The following MCM3AP variants were observed in gnomAD, a reference collection of about 807,000 sequenced individuals.
MCM3AP encodes the protein germinal-center associated nuclear protein.
MCM3AP carries 126 observed loss-of-function variants against 184.1 expected under a neutral mutation model. The ratio of observed to expected loss-of-function variants is 0.68; its 90% CI spans 0.59 to 0.79. The LOEUF (loss-of-function observed/expected upper bound fraction) is 0.79. Among genes scored for constraint, MCM3AP ranks in the 30% least tolerant of loss-of-function variants. The pLI, the probability that MCM3AP is intolerant of heterozygous loss-of-function variation, is 0.00. For synonymous variants in MCM3AP, 1,002 were observed against 979.3 expected (o/e 1.02, Z -0.43); for missense variants, 2,496 against 2,479.2 (o/e 1.01, Z -0.14).
chr21:46,259,297 T>C (rs1470145988), intron 15 of MCM3AP: 1 of 388,550 alleles, frequency 2.6e-6, no homozygotes, highest in Admixed American at 4.6e-5. Flanking sequence ...CTACTAAAAA[T>C]ACAAAAAAAT....
At position 46,261,690 on chromosome 21, in the gene MCM3AP, G is replaced by A. The variant is rs372951356; in HGVS notation, c.3336-279C>T. Among the ~76,000 whole-genome samples, 358 of 147,824 alleles carry A rather than the reference G, an allele frequency of 2.4e-3. 2 individuals are homozygous for A. The highest frequency in any genetic ancestry group is 3.6e-3 in the Non-Finnish European group (244 of 67,550). On this transcript the variant is annotated intron_variant, in intron 13 of 27. Coordinates refer to ENST00000291688, the MANE Select transcript of MCM3AP (RefSeq NM_003906.5). ...GGAGACTGCAGTGAGCCAAGATTGCGTCACTGTACTCCAGCCTGGGCGACA... is the reference window on the plus strand; with the variant it reads ...GGAGACTGCAGTGAGCCAAGATTGCATCACTGTACTCCAGCCTGGGCGACA...
Position 46,256,080 on chromosome 21 carries a change from G to A in MCM3AP, c.3932+709C>T, listed in dbSNP as rs565876080. Among the ~76,000 whole-genome samples, 10 of 152,298 alleles carry A rather than the reference G, an allele frequency of 6.6e-5. No homozygotes were observed. The East Asian group carries it at 9.7e-4, about 15-fold the overall frequency. ...ACAAGACATGACATGAGGCCCCAGC[G>A]GTGTGCCTGCTAGGCCCTCCAGGCT... On this transcript the variant is annotated intron_variant, in intron 17 of 27. Transcript: ENST00000291688.
At chr21:46,266,391 G>C (rs1016156196) in intron 10 of MCM3AP, 12 of 425,008 alleles carry the variant, frequency 2.8e-5, no homozygotes, top group Non-Finnish European at 4.1e-5. Context: ...ACTCACTCCT[G>C]CCTCCTTGCT....
intron 2 of MCM3AP, among the ~76,000 whole-genome samples, chr21:46,283,377 G>T (rs2081357501): frequency 6.6e-6 from 1 of 152,198 alleles, no homozygotes; most frequent in Non-Finnish European, 1.5e-5. Context: ...CCTTTCAGAA[G>T]AATTTCACTT....
At chr21:46,260,032 C>T (rs1465122421) in intron 15 of MCM3AP, among the ~76,000 whole-genome samples, 4 of 151,528 alleles carry the variant, frequency 2.6e-5, no homozygotes, top group South Asian at 2.1e-4. Context: ...ACCCAGATCA[C>T]GCCACTGCAC....
At chr21:46,256,387 A>C in intron 17 of MCM3AP, 1 of 191,428 alleles carries the variant, frequency 5.2e-6, no homozygotes, top group Non-Finnish European at 1.1e-5. Context: ...TGTGAAGGAG[A>C]CGGCGGGAGG....
At chr21:46,238,877 G>A (rs2080597038) in intron 26 of MCM3AP, among the ~76,000 whole-genome samples, 1 of 152,194 alleles carries the variant, frequency 6.6e-6, no homozygotes, top group East Asian at 1.9e-4. Flanking sequence ...CAGAGGCCCT[G>A]CCCTAAGCAA....
chr21:46,273,238 G>A, intron 7 of MCM3AP, 150 bp downstream of exon 7: 2 of 740,812 alleles, frequency 2.7e-6, no homozygotes, highest in Non-Finnish European at 4.5e-6. Flanking sequence ...GCCTCCCAGA[G>A]TGCTGGGATT....
At position 46,267,342 on chromosome 21, in the gene MCM3AP, G is replaced by A. The variant is rs2081126121; in HGVS notation, c.2629-200C>T. ...GCTCAGGGGCAGTGCTCAGGAATGC[G>A]TGCCAAGCAAACACTCTCATAGAGA... On this transcript the variant is annotated intron_variant, in intron 9 of 27. Coordinates refer to ENST00000291688, the MANE Select transcript of MCM3AP (RefSeq NM_003906.5). The A allele has an allele frequency of 1.0e-5, 6 of 573,924 alleles. No homozygotes were observed. In the South Asian group the frequency reaches 1.1e-4, roughly 10 times the overall value. 35.6% of individuals were successfully genotyped at this position (573,924 alleles called of 1,614,324 possible). A position where few individuals can be genotyped will look rare whatever the true frequency, so the allele number is the denominator to read the frequency against.
At chr21:46,254,959 G>A (rs1054790068) in intron 17 of MCM3AP, 115 bp from the exon 18 acceptor site, 8 of 747,856 alleles carry the variant, frequency 1.1e-5, no homozygotes, top group African/African-American at 6.8e-5. Flanking sequence ...CCAATGAAAC[G>A]GGTTAGAGGA....
chr21:46,280,686 C>T lies in MCM3AP; in HGVS notation c.1444-111G>A, dbSNP rs1410516674. ...ACAGACCATTCAAAGGCACCAGGAGCTCCTGTCCTTTGCACGACAGTGATT... is the reference window on the plus strand; with the variant it reads ...ACAGACCATTCAAAGGCACCAGGAGTTCCTGTCCTTTGCACGACAGTGATT... On this transcript the variant is annotated intron_variant, in intron 2 of 27. Transcript: ENST00000291688. The T allele has an allele frequency of 4.2e-6, 3 of 716,144 alleles. No individual in the cohort carries two copies. The Admixed American group carries it at 7.0e-5, about 17-fold the overall frequency. 44.4% of individuals were successfully genotyped at this position (716,144 alleles called of 1,614,324 possible).
At chr21:46,256,537 C>T in intron 17 of MCM3AP, 1 of 541,672 alleles carries the variant, frequency 1.8e-6, no homozygotes, top group Non-Finnish European at 3.3e-6. Context: ...CAGACTCAGG[C>T]ACCAGGACGC....
In MCM3AP at chr21:46,245,202, GAAGA is replaced by G. The variant is rs150712767; in HGVS notation, c.4648-9_4648-6del. 0.35 allele frequency: 564,399 copies of G among 1,589,908 alleles called. 101,755 individuals carry two copies. The highest frequency in any genetic ancestry group is 0.48 in the Admixed American group (26,247 of 54,596). On this transcript the variant is annotated splice_region_variant and splice_polypyrimidine_tract_variant and intron_variant, in intron 22 of 27. Coordinates refer to ENST00000291688, the MANE Select transcript of MCM3AP (RefSeq NM_003906.5). ...CCACTGCACTGCTTGCAAAACCTGAGAAGAAAGAAGAGACTTGGTTGAACAATTC... is the reference window on the plus strand; with the variant it reads ...CCACTGCACTGCTTGCAAAACCTGAGAAGAAGAGACTTGGTTGAACAATTC...
In MCM3AP at chr21:46,273,139, T is replaced by C. The variant is rs543367800; in HGVS notation, c.2196+249A>G. On this transcript the variant is annotated intron_variant, in intron 7 of 27. Transcript: ENST00000291688. ...ACAGGCGTGTGCCACCACGCCAAGC[T>C]AATTTTTGTATTTTCAGTAGAGATG... 4.6e-5 allele frequency among the ~76,000 whole-genome samples: 7 copies of C among 152,180 alleles called. No homozygotes were observed. In the East Asian group the frequency reaches 1.4e-3, roughly 29 times the overall value.
intron 22 of MCM3AP, 117 bp downstream of exon 22, chr21:46,246,190 A>G: frequency 1.5e-6 from 1 of 673,626 alleles, no homozygotes; most frequent in South Asian, 1.8e-5. Context: ...GTGACAATAA[A>G]ACCCTGTCTC....
intron 2 of MCM3AP, 89 bp from the exon 3 acceptor site, chr21:46,280,664 G>A (rs1285196823): frequency 1.2e-6 from 1 of 858,402 alleles, no homozygotes; most frequent in Admixed American, 2.1e-5. Flanking sequence ...AAGCACAACA[G>A]ACCATTCAAA....
At chr21:46,276,365 T>C (rs1488206300) in intron 5 of MCM3AP, among the ~76,000 whole-genome samples, 1 of 152,174 alleles carries the variant, frequency 6.6e-6, no homozygotes, top group Non-Finnish European at 1.5e-5. Context: ...TTTATTACTA[T>C]ATGTTATTAT....
chr21:46,270,709 T>C, intron 8 of MCM3AP, 146 bp from the exon 9 acceptor site: 1 of 664,428 alleles, frequency 1.5e-6, no homozygotes, highest in South Asian at 2.0e-5. Context: ...GAGGCCAAGG[T>C]GGGAGGATCG....
intron 16 of MCM3AP, among the ~76,000 whole-genome samples, chr21:46,257,572 G>A (rs557730752): frequency 7.3e-5 from 11 of 151,704 alleles, no homozygotes; most frequent in African/African-American, 2.2e-4. Flanking sequence ...GTGTGCAAAC[G>A]GGTGAGATGT....
Sources: gnomAD v4.1 joint callset for allele counts (sites outside exome capture counted in the v4.1 genomes callset) on GRCh38, gnomAD v4.1.1 for gene constraint, MANE v1.5 for transcripts, NCBI Gene and HGNC (gene_info 2026-07-23, HGNC 2026-07-21) for gene names.